The following LRRC49 variants were observed in gnomAD, a reference collection of about 807,000 sequenced individuals.
The protein encoded by LRRC49 is leucine rich repeat containing 49.
LRRC49 carries 50 observed loss-of-function variants against 83.3 expected under a neutral mutation model. The observed-to-expected ratio is 0.60, with a 90% CI of 0.48 to 0.76. LRRC49 has a LOEUF of 0.76. Among genes scored for constraint, LRRC49 ranks in the 30% least tolerant of loss-of-function variants. LRRC49 has a pLI of 0.00. For missense variants in LRRC49, 704 were observed against 809.1 expected (o/e 0.87, Z 1.58); for synonymous variants, 286 against 283.3 (o/e 1.01, Z -0.10).
At chr15:70,865,845 G>A (rs2032898295) in intron 1 of LRRC49, among the ~76,000 whole-genome samples, 1 of 152,114 alleles carries the variant, frequency 6.6e-6, no homozygotes, top group African/African-American at 2.4e-5. Flanking sequence ...GAGGCAAGGA[G>A]GTATGGACTT....
upstream of LRRC49, chr15:70,892,312 C>T: frequency 6.4e-7 from 1 of 1,550,456 alleles, no homozygotes; most frequent in African/African-American, 1.4e-5. Flanking sequence ...GTTCCCTGGA[C>T]CTTCGCCCTT....
intron 5 of LRRC49, among the ~76,000 whole-genome samples, chr15:70,910,200 C>T (rs1469980851): frequency 6.6e-6 from 1 of 151,902 alleles, no homozygotes; most frequent in Admixed American, 6.6e-5. Context: ...ACATGGTGGG[C>T]ATATGAGAAA....
chr15:70,976,503 C>T (rs1321495204), intron 9 of LRRC49, among the ~76,000 whole-genome samples: 3 of 152,100 alleles, frequency 2.0e-5, no homozygotes, highest in Admixed American at 6.6e-5. Flanking sequence ...TATTTTGGAT[C>T]AGTCTTTTTC....
chr15:70,968,193 T>A (rs2036861031), intron 9 of LRRC49, among the ~76,000 whole-genome samples: 1 of 152,138 alleles, frequency 6.6e-6, no homozygotes, highest in Non-Finnish European at 1.5e-5. Flanking sequence ...TGTGCCCATG[T>A]GTTCTCATTG....
intron 6 of LRRC49, among the ~76,000 whole-genome samples, chr15:70,912,489 T>A (rs893097850): frequency 6.6e-6 from 1 of 152,076 alleles, no homozygotes; most frequent in Non-Finnish European, 1.5e-5. Flanking sequence ...TCATGTTGCT[T>A]CCTATTCTTT....
Position 70,901,022 on chromosome 15 carries a change from A to T in LRRC49, c.294A>T (p.Glu98Asp), listed in dbSNP as rs1193340439. The stretch of plus-strand genomic sequence containing the variant: ...TTTACTCAGACAGGTTGAGCCTAGA[A>T]AGGTGAGGACAATTTCTTTTCTTTT... ...KILYSDRLSL[E>D]RQKLTVCPII... The change falls in exon 4 of 16, where the codon GAA (glutamate) becomes GAT (aspartate). Residue 98 changes from glutamate (E) to aspartate (D), a missense_variant and splice_region_variant. Physicochemically the swap from Glu to Asp is conservative, Grantham distance 45. Transcript: ENST00000260382. 1 of 1,582,008 alleles carries T rather than the reference A, an allele frequency of 6.3e-7. No homozygotes were observed. The highest frequency in any genetic ancestry group is 8.6e-7 in the Non-Finnish European group (1 of 1,156,936).
chr15:70,986,009 A>C (rs1391827154), intron 11 of LRRC49, among the ~76,000 whole-genome samples: 3 of 150,900 alleles, frequency 2.0e-5, no homozygotes, highest in Admixed American at 6.6e-5. Context: ...TGGTACCAGT[A>C]TCATGCTGTT....
chr15:70,938,985 A>G (rs1170295266), intron 8 of LRRC49, among the ~76,000 whole-genome samples: 1 of 152,180 alleles, frequency 6.6e-6, no homozygotes, highest in Non-Finnish European at 1.5e-5. Flanking sequence ...ACTGTTGCAT[A>G]AAAATTTTCC....
intron 5 of LRRC49, among the ~76,000 whole-genome samples, chr15:70,908,311 A>T (rs2034403246): frequency 6.6e-6 from 1 of 152,212 alleles, no homozygotes; most frequent in East Asian, 1.9e-4. Context: ...AAGGCAGTCA[A>T]GTGAGGAGGA....
Position 70,963,091 on chromosome 15 carries a change from G to A in LRRC49, c.774-694G>A, listed in dbSNP as rs117862658. Among the ~76,000 whole-genome samples the A allele has an allele frequency of 6.6e-5, 10 of 151,722 alleles. No individual in the cohort carries two copies. The East Asian group carries it at 1.6e-3, about 24-fold the overall frequency. Reference sequence around the variant, plus strand: ...ACCAGCTTGGGCAACATAGTGAGACGCTTTTTATTTTGTAGACAAAATAAA... The same window carrying A: ...ACCAGCTTGGGCAACATAGTGAGACACTTTTTATTTTGTAGACAAAATAAA... On this transcript the variant is annotated intron_variant, in intron 8 of 15. Coordinates refer to ENST00000260382, the MANE Select transcript of LRRC49 (RefSeq NM_017691.5).
chr15:70,861,221 T>C (rs1040084027), intron 1 of LRRC49, among the ~76,000 whole-genome samples: 1 of 152,124 alleles, frequency 6.6e-6, no homozygotes, highest in African/African-American at 2.4e-5. Context: ...CACATGGAAG[T>C]ACCTAGTTCA....
intron 9 of LRRC49, among the ~76,000 whole-genome samples, chr15:70,972,298 G>A (rs1460398348): frequency 2.0e-5 from 3 of 152,172 alleles, no homozygotes; most frequent in African/African-American, 4.8e-5. Context: ...CTTTAAGAAT[G>A]TTGAATATTG....
At chr15:71,028,480 CCTT>C (rs2039245252) in intron 14 of LRRC49, among the ~76,000 whole-genome samples, 1 of 152,132 alleles carries the variant, frequency 6.6e-6, no homozygotes, top group Non-Finnish European at 1.5e-5. Flanking sequence ...AGGGAGGAGT[CCTT>C]CTTTTTCTGT....
At chr15:70,924,464 T>C (rs973532113) in intron 7 of LRRC49, among the ~76,000 whole-genome samples, 11 of 152,002 alleles carry the variant, frequency 7.2e-5, no homozygotes, top group African/African-American at 2.7e-4. Context: ...ACTCTTAGCA[T>C]TTTAAAATAT....
intron 1 of LRRC49, chr15:70,853,608 T>A (rs2032549903): frequency 3.7e-6 from 1 of 272,610 alleles, no homozygotes; most frequent in African/African-American, 2.2e-5. Flanking sequence ...CCCGTGAAAG[T>A]CCTCCTCCTG....
intron 7 of LRRC49, among the ~76,000 whole-genome samples, chr15:70,923,247 T>G (rs2035072059): frequency 6.6e-6 from 1 of 152,046 alleles, no homozygotes; most frequent in African/African-American, 2.4e-5. Context: ...GACCAGTAAA[T>G]GTAGATTATG....
intron 14 of LRRC49, among the ~76,000 whole-genome samples, chr15:71,031,825 A>G (rs2039362082): frequency 6.6e-6 from 1 of 152,062 alleles, no homozygotes; most frequent in South Asian, 2.1e-4. Flanking sequence ...AACCTCAGTA[A>G]TGGTGGACAC....
At chr15:71,016,469 A>T (rs181439749) in intron 14 of LRRC49, among the ~76,000 whole-genome samples, 90 of 152,196 alleles carry the variant, frequency 5.9e-4, no homozygotes, top group Middle Eastern at 6.8e-3. Context: ...CTAGAGAAAT[A>T]CCAAAGTAAG....
At chr15:70,892,250 G>T (rs752850330), upstream of LRRC49, 14 of 1,580,106 alleles carry the variant, frequency 8.9e-6, no homozygotes, top group Non-Finnish European at 1.1e-5. Flanking sequence ...GCCGCAGTGG[G>T]CGGCCACACA....
Sources: allele counts gnomAD v4.1 joint callset (sites outside exome capture counted in the v4.1 genomes callset), GRCh38; gene constraint gnomAD v4.1.1; transcripts MANE v1.5; gene names NCBI Gene and HGNC (gene_info 2026-07-23, HGNC 2026-07-21).